PHACTR1: variants seen among roughly 807,000 people sequenced by gnomAD.
PHACTR1 encodes the protein phosphatase and actin regulator 1.
PHACTR1 carries 16 observed loss-of-function variants against 69.2 expected under a neutral mutation model. That is an observed-to-expected ratio of 0.23 (90% CI 0.16 to 0.35). The LOEUF (loss-of-function observed/expected upper bound fraction) is 0.35. Ranked by LOEUF, PHACTR1 falls within the 10% of genes least tolerant of loss-of-function variation. PHACTR1 has a pLI of 1.00. For synonymous variants in PHACTR1, 312 were observed against 284.5 expected (o/e 1.10, Z -0.97); for missense variants, 510 against 734.7 (o/e 0.69, Z 3.54).
intron 4 of PHACTR1, among the ~76,000 whole-genome samples, chr6:12,922,776 T>C (rs1435670806): frequency 6.6e-6 from 1 of 152,174 alleles, no homozygotes; most frequent in African/African-American, 2.4e-5. Context: ...ATTCACTAAT[T>C]CTATGAAGAA....
rs114626852 is a variant in PHACTR1, at chr6:12,825,249, G to A, written c.250+75459G>A. 4.1e-3 allele frequency among the ~76,000 whole-genome samples: 624 copies of A among 151,752 alleles called. 3 individuals carry two copies. Among genetic ancestry groups the A allele is most frequent in the African/African-American group, 0.015 (602 of 41,344 alleles). On this transcript the variant is annotated intron_variant, in intron 4 of 14. Transcript: ENST00000332995. ...GATGGCTTGAGCCCCGGAGTTCAAG[G>A]CTGCAGAGGGCTATGAGTGTGCCTC...
chr6:12,821,240 T>C (rs1396509284), intron 4 of PHACTR1, among the ~76,000 whole-genome samples: 1 of 152,120 alleles, frequency 6.6e-6, no homozygotes, highest in Non-Finnish European at 1.5e-5. Flanking sequence ...GGCAGTTGGA[T>C]GACCTGAGGT....
chr6:12,770,200 A>G (rs1354655955), intron 4 of PHACTR1, among the ~76,000 whole-genome samples: 1 of 152,242 alleles, frequency 6.6e-6, no homozygotes, highest in Non-Finnish European at 1.5e-5. Context: ...GGATAGCAAG[A>G]CTAGTACTCC....
intron 5 of PHACTR1, among the ~76,000 whole-genome samples, chr6:13,056,229 G>A (rs1039203996): frequency 6.6e-6 from 1 of 152,126 alleles, no homozygotes; most frequent in Non-Finnish European, 1.5e-5. Context: ...GCAACATAGT[G>A]AGACCTCATC....
chr6:12,771,166 T>C (rs980704414), intron 4 of PHACTR1, among the ~76,000 whole-genome samples: 4 of 152,112 alleles, frequency 2.6e-5, no homozygotes, highest in African/African-American at 9.7e-5. Context: ...CTTAAATATT[T>C]GGCAAGACAT....
rs1018367740 is a variant in PHACTR1, at chr6:13,246,366, A to G, written c.1391+16173A>G. On this transcript the variant is annotated intron_variant, in intron 10 of 14. Coordinates refer to ENST00000332995, the MANE Select transcript of PHACTR1 (RefSeq NM_030948.6). This position sits in a 1 kb window ranked among gnomAD's most constrained non-coding sequence, Gnocchi z 4.2. ...GATCTTCCTTGATCCCACTTAGCCA[A>G]AAGAACACTGAAATTAAATGTGCGA... Among the ~76,000 whole-genome samples the G allele has an allele frequency of 6.6e-6, 1 of 151,636 alleles. No individual in the cohort carries two copies. The highest frequency in any genetic ancestry group is 2.4e-5 in the African/African-American group (1 of 41,404).
intron 10 of PHACTR1, among the ~76,000 whole-genome samples, chr6:13,249,190 T>C (rs995702767): frequency 2.6e-5 from 4 of 152,038 alleles, no homozygotes; most frequent in Non-Finnish European, 5.9e-5. Context: ...CAGCAGGAGA[T>C]GAGTGGCGGG....
intron 5 of PHACTR1, among the ~76,000 whole-genome samples, chr6:13,108,036 G>A (rs533131405): frequency 6.6e-6 from 1 of 151,984 alleles, no homozygotes; most frequent in Non-Finnish European, 1.5e-5. Context: ...TTCACTTAAA[G>A]CACTGCTTCA....
intron 5 of PHACTR1, among the ~76,000 whole-genome samples, chr6:13,071,243 A>G (rs1376150911): frequency 6.6e-6 from 1 of 152,118 alleles, no homozygotes; most frequent in Non-Finnish European, 1.5e-5. Flanking sequence ...CCTGACCAAT[A>G]TGGTAAAACC....
At chr6:13,157,756 T>C (rs1758389757) in intron 5 of PHACTR1, among the ~76,000 whole-genome samples, 1 of 152,236 alleles carries the variant, frequency 6.6e-6, no homozygotes, top group South Asian at 2.1e-4. Context: ...CATCTCTTTA[T>C]ATTCGGATGG....
chr6:12,925,040 A>G (rs1788125740), intron 4 of PHACTR1, among the ~76,000 whole-genome samples: 1 of 152,108 alleles, frequency 6.6e-6, no homozygotes, highest in Admixed American at 6.5e-5. Context: ...TCACATTCAG[A>G]TCCATCACCT....
At chr6:13,195,074 C>T (rs928208446) in intron 7 of PHACTR1, among the ~76,000 whole-genome samples, 3 of 152,326 alleles carry the variant, frequency 2.0e-5, no homozygotes, top group East Asian at 1.9e-4. Flanking sequence ...CACATTTTGC[C>T]TTTGACCAAG....
chr6:13,044,448 G>A (rs919624307), intron 4 of PHACTR1, among the ~76,000 whole-genome samples: 1 of 152,198 alleles, frequency 6.6e-6, no homozygotes, highest in African/African-American at 2.4e-5. Flanking sequence ...CCAGCATTGA[G>A]TCTCATTGCC....
At chr6:12,817,812 A>G (rs1046080747) in intron 4 of PHACTR1, among the ~76,000 whole-genome samples, 1 of 151,522 alleles carries the variant, frequency 6.6e-6, no homozygotes, top group African/African-American at 2.4e-5. Flanking sequence ...AGGTAAGCAC[A>G]TGTTTACTTT....
At chr6:13,230,564 A>G (rs921331367) in intron 10 of PHACTR1, among the ~76,000 whole-genome samples, 1 of 147,514 alleles carries the variant, frequency 6.8e-6, no homozygotes, top group Non-Finnish European at 1.5e-5. Flanking sequence ...AAAAAAAAAA[A>G]AAGGAAGAGA....
chr6:12,796,401 C>A (rs148314546), intron 4 of PHACTR1, among the ~76,000 whole-genome samples: 181 of 152,330 alleles, frequency 1.2e-3, no homozygotes, highest in African/African-American at 4.1e-3. Flanking sequence ...AGACTCTGAA[C>A]CAGCAGCAGT....
chr6:12,775,554 A>G (rs1274758104), intron 4 of PHACTR1, among the ~76,000 whole-genome samples: 1 of 152,234 alleles, frequency 6.6e-6, no homozygotes, highest in Non-Finnish European at 1.5e-5. Flanking sequence ...GATTGCCAAG[A>G]AACAAATGAA....
At chr6:13,095,061 A>G (rs1813953757) in intron 5 of PHACTR1, among the ~76,000 whole-genome samples, 1 of 152,188 alleles carries the variant, frequency 6.6e-6, no homozygotes, top group Non-Finnish European at 1.5e-5. Flanking sequence ...AATACACAGC[A>G]CCGTGGCTGC....
At chr6:12,938,182 A>G (rs530332446) in intron 4 of PHACTR1, among the ~76,000 whole-genome samples, 22 of 152,260 alleles carry the variant, frequency 1.4e-4, no homozygotes, top group African/African-American at 5.3e-4. Flanking sequence ...CCTAACAAAC[A>G]TTAACTTATT....
Sources: gnomAD v4.1 joint callset for allele counts (sites outside exome capture counted in the v4.1 genomes callset) on GRCh38, gnomAD v4.1.1 for gene constraint, Gnocchi (gnomAD v3.1) non-coding constraint, MANE v1.5 for transcripts, NCBI Gene and HGNC (gene_info 2026-07-23, HGNC 2026-07-21) for gene names.